The following LNX1 variants were observed in gnomAD, a reference collection of about 807,000 sequenced individuals.
The protein encoded by LNX1 is E3 ubiquitin-protein ligase LNX.
LNX1 carries 54 observed loss-of-function variants against 68.4 expected under a neutral mutation model. The observed-to-expected ratio is 0.79, with a 90% CI of 0.63 to 0.99. The LOEUF (loss-of-function observed/expected upper bound fraction) is 0.99. Among genes scored for constraint, LNX1 ranks in the 50% least tolerant of loss-of-function variants. The pLI is 0.00. For synonymous variants in LNX1, 336 were observed against 350.0 expected (o/e 0.96, Z 0.45); for missense variants, 906 against 926.4 (o/e 0.98, Z 0.29).
intron 2 of LNX1, among the ~76,000 whole-genome samples, chr4:53,562,712 C>T (rs548962327): frequency 2.1e-4 from 32 of 152,152 alleles, no homozygotes; most frequent in African/African-American, 5.5e-4. Context: ...ATTTGTACAA[C>T]GAGGTGATTA....
At chr4:53,537,909 G>C (rs1577679235) in intron 2 of LNX1, among the ~76,000 whole-genome samples, 1 of 152,358 alleles carries the variant, frequency 6.6e-6, no homozygotes, top group East Asian at 1.9e-4. Flanking sequence ...TCAGTGACCT[G>C]AGTGAGTTGC....
chr4:53,553,950 G>A lies in LNX1; in HGVS notation c.380+19673C>T, dbSNP rs549098131. Among the ~76,000 whole-genome samples the A allele has an allele frequency of 1.4e-4, 21 of 152,270 alleles. No homozygotes were observed. The South Asian group carries it at 3.3e-3, about 24-fold the overall frequency. On this transcript the variant is annotated intron_variant, in intron 2 of 10. Coordinates refer to ENST00000263925, the MANE Select transcript of LNX1 (RefSeq NM_001126328.3). ...TAGCAGACACACCTGCATGTGGTTC[G>A]GAGTTCCAAGCTAAGGAATCCGGGA...
At chr4:53,569,134 C>A (rs1283768199) in intron 2 of LNX1, among the ~76,000 whole-genome samples, 7 of 152,026 alleles carry the variant, frequency 4.6e-5, no homozygotes, top group African/African-American at 7.2e-5. Context: ...GCTACCAATG[C>A]CTTTCTTCAC....
chr4:53,491,920 T>G (rs923580367), intron 6 of LNX1, among the ~76,000 whole-genome samples: 1 of 151,750 alleles, frequency 6.6e-6, no homozygotes, highest in Non-Finnish European at 1.5e-5. Flanking sequence ...GCCAAGTAGC[T>G]GGGATCACAG....
At chr4:53,537,078 G>T (rs1303080103) in intron 2 of LNX1, among the ~76,000 whole-genome samples, 2 of 152,124 alleles carry the variant, frequency 1.3e-5, no homozygotes, top group Admixed American at 1.3e-4. Context: ...CTCTAGGTTT[G>T]TTTACTTTGC....
In LNX1 at chr4:53,574,102, A is replaced by G. The variant is rs956892354; in HGVS notation, c.-86-14T>C. On this transcript the variant is annotated splice_polypyrimidine_tract_variant and intron_variant, in intron 1 of 10. Coordinates refer to ENST00000263925, the MANE Select transcript of LNX1 (RefSeq NM_001126328.3). ...ACATCCACACACCTAAAAAAGAACA[A>G]GAAGGCTCACCTTTGCTTCCCAGCA... The G allele has an allele frequency of 1.6e-4, 229 of 1,472,930 alleles. No individual in the cohort carries two copies. Among genetic ancestry groups the G allele is most frequent in the Middle Eastern group, 1.4e-3 (6 of 4,330 alleles). The allele number at this position is 1,472,930 out of a possible 1,614,324, so 91.2% of individuals were successfully genotyped here.
intron 2 of LNX1, among the ~76,000 whole-genome samples, chr4:53,524,871 G>C (rs73818919): frequency 6.6e-6 from 1 of 152,138 alleles, no homozygotes; most frequent in East Asian, 1.9e-4. Flanking sequence ...TGCAAAAAAA[G>C]CTCTGTCTGC....
chr4:53,548,518 G>A (rs1476579483), intron 2 of LNX1, among the ~76,000 whole-genome samples: 1 of 152,090 alleles, frequency 6.6e-6, no homozygotes, highest in Non-Finnish European at 1.5e-5. Context: ...TTGCCCTGTG[G>A]AGATATTTCT....
chr4:53,586,594 G>A (rs1353252885), intron 1 of LNX1, among the ~76,000 whole-genome samples: 1 of 152,100 alleles, frequency 6.6e-6, no homozygotes, highest in Non-Finnish European at 1.5e-5. Context: ...CGGTTAATTG[G>A]GATAGAACTT....
chr4:53,477,150 G>A (rs1313386603), intron 8 of LNX1, among the ~76,000 whole-genome samples, 169 bp from the exon 9 acceptor site: 1 of 152,302 alleles, frequency 6.6e-6, no homozygotes, highest in East Asian at 1.9e-4. Flanking sequence ...TAAACAGTGT[G>A]TGCATTCCAA....
chr4:53,465,137 C>T (rs1259817315), intron 9 of LNX1, among the ~76,000 whole-genome samples: 2 of 152,058 alleles, frequency 1.3e-5, no homozygotes, highest in Non-Finnish European at 2.9e-5. Context: ...TTTTTCCTTG[C>T]AGGAAATATT....
intron 2 of LNX1, among the ~76,000 whole-genome samples, chr4:53,614,653 T>C (rs1453404220): frequency 2.0e-5 from 3 of 152,238 alleles, no homozygotes; most frequent in African/African-American, 7.2e-5. Flanking sequence ...TGAAATTCTT[T>C]AGGGTCTAAT....
At chr4:53,570,686 A>ATAAATAAG in intron 2 of LNX1, among the ~76,000 whole-genome samples, 1 of 150,726 alleles carries the variant, frequency 6.6e-6, no homozygotes, top group Admixed American at 6.6e-5. Flanking sequence ...AAATAAATAA[A>ATAAATAAG]TAAATAAATA....
chr4:53,650,075 G>T (rs1735035027), intron 1 of LNX1, among the ~76,000 whole-genome samples: 2 of 152,180 alleles, frequency 1.3e-5, no homozygotes, highest in Non-Finnish European at 2.9e-5. Context: ...TAGATGAGCA[G>T]ACCGAGTGGA....
intron 2 of LNX1, among the ~76,000 whole-genome samples, chr4:53,540,739 A>G (rs1728703045): frequency 6.6e-6 from 1 of 152,204 alleles, no homozygotes; most frequent in African/African-American, 2.4e-5. Context: ...ACAGAGCTAC[A>G]GACTGTGTAG....
intron 9 of LNX1, among the ~76,000 whole-genome samples, chr4:53,463,070 T>C (rs946338730): frequency 5.9e-5 from 9 of 152,158 alleles, no homozygotes; most frequent in Admixed American, 5.9e-4. Flanking sequence ...TGATCAAATA[T>C]CAGTTTTAAT....
intron 1 of LNX1, among the ~76,000 whole-genome samples, chr4:53,582,105 A>G (rs1179503313): frequency 1.3e-5 from 1 of 77,248 alleles, no homozygotes; most frequent in Non-Finnish European, 2.8e-5. Flanking sequence ...TAAGAATATC[A>G]AAACTGTGGT....
chr4:53,464,543 G>C (rs1169359421), intron 9 of LNX1, among the ~76,000 whole-genome samples: 2 of 77,196 alleles, frequency 2.6e-5, no homozygotes, highest in Non-Finnish European at 5.8e-5. Flanking sequence ...TCATAATTCT[G>C]TGTTCAACTT....
chr4:53,544,419 T>C (rs1456310493), intron 2 of LNX1, among the ~76,000 whole-genome samples: 4 of 152,142 alleles, frequency 2.6e-5, no homozygotes, highest in Admixed American at 2.0e-4. Flanking sequence ...AGTCTCAAAC[T>C]ACTGAACTCA....
Sources: allele counts gnomAD v4.1 joint callset (sites outside exome capture counted in the v4.1 genomes callset), GRCh38; gene constraint gnomAD v4.1.1; transcripts MANE v1.5; gene names NCBI Gene and HGNC (gene_info 2026-07-23, HGNC 2026-07-21).